The following TRAIP variants were observed in gnomAD, a reference collection of about 807,000 sequenced individuals.
The protein encoded by TRAIP is TRAF interacting protein, also known as E3 ubiquitin-protein ligase TRAIP.
In TRAIP, 37 loss-of-function variants were observed where a neutral mutation model predicts 65.0. The observed-to-expected ratio is 0.57, with a 90% confidence interval of 0.44 to 0.75. The LOEUF is 0.75. Among genes scored for constraint, TRAIP ranks in the 30% least tolerant of loss-of-function variants. The probability of loss-of-function intolerance (pLI) is 0.00; values close to 1 mark genes in which losing one functional copy is unlikely to be tolerated. For synonymous variants in TRAIP, 187 were observed against 219.1 expected (o/e 0.85, Z 1.29); for missense variants, 481 against 579.4 (o/e 0.83, Z 1.74).
At chr3:49,834,687 A>G (rs139921745) in intron 10 of TRAIP, among the ~76,000 whole-genome samples, 14 of 152,304 alleles carry the variant, frequency 9.2e-5, no homozygotes, top group African/African-American at 3.1e-4. Context: ...AAGACTCAAC[A>G]TGATGCCAGC....
At chr3:49,832,308 T>C (rs2081741363) in intron 10 of TRAIP, among the ~76,000 whole-genome samples, 1 of 151,880 alleles carries the variant, frequency 6.6e-6, no homozygotes, top group African/African-American at 2.4e-5. Flanking sequence ...CGGGCTAACA[T>C]GGTGAAACCC....
chr3:49,852,820 G>A (rs2081944580), intron 1 of TRAIP, among the ~76,000 whole-genome samples: 1 of 151,688 alleles, frequency 6.6e-6, no homozygotes, highest in African/African-American at 2.4e-5. Context: ...ATCCCGAGCA[G>A]AATTTGTAAA....
At position 49,847,512 on chromosome 3, in the gene TRAIP, A is replaced by C; in HGVS notation, c.240+13T>G. 6.3e-7 allele frequency: 1 copy of C among 1,579,842 alleles called. No individual in the cohort carries two copies. The highest frequency in any genetic ancestry group is 8.6e-7 in the Non-Finnish European group (1 of 1,156,772). On this transcript the variant is annotated intron_variant, in intron 3 of 14. Transcript: ENST00000331456. ...GGCTTGGAGTTCAGTAGAATCAGATAAATTCTGGGTACCTTTAAGAATTCT... is the reference window on the plus strand; with the variant it reads ...GGCTTGGAGTTCAGTAGAATCAGATCAATTCTGGGTACCTTTAAGAATTCT...
chr3:49,853,979 C>A (rs574328809), intron 1 of TRAIP, among the ~76,000 whole-genome samples: 13 of 151,028 alleles, frequency 8.6e-5, no homozygotes, highest in Non-Finnish European at 1.6e-4. Context: ...CGACACAGCA[C>A]GATCCTGTTT....
In TRAIP at chr3:49,830,003, T is replaced by C. The variant is rs747944433; in HGVS notation, c.1086+17A>G. The C allele has an allele frequency of 1.7e-5, 28 of 1,614,038 alleles. No homozygotes were observed. In the Admixed American group the frequency reaches 3.0e-4, roughly 17 times the overall value. On this transcript the variant is annotated intron_variant, in intron 12 of 14. Coordinates refer to ENST00000331456, the MANE Select transcript of TRAIP (RefSeq NM_005879.3). The stretch of plus-strand genomic sequence containing the variant: ...CCTGCCAAAGGTTAGACTGTGCTTC[T>C]TCTAGAAAGCTCTTACCTTCCTGGG...
rs2081895619 is a variant in TRAIP, at chr3:49,847,520, G to T, written c.240+5C>A. On this transcript the variant is annotated splice_donor_5th_base_variant and intron_variant, in intron 3 of 14. Coordinates refer to ENST00000331456, the MANE Select transcript of TRAIP (RefSeq NM_005879.3). ...GTTCAGTAGAATCAGATAAATTCTGGGTACCTTTAAGAATTCTGCATCCAA... is the reference window on the plus strand; with the variant it reads ...GTTCAGTAGAATCAGATAAATTCTGTGTACCTTTAAGAATTCTGCATCCAA... 1 of 1,594,550 alleles carries T rather than the reference G, an allele frequency of 6.3e-7. No individual in the cohort carries two copies. The highest frequency in any genetic ancestry group is 8.6e-7 in the Non-Finnish European group (1 of 1,167,746).
chr3:49,840,577 C>T, intron 8 of TRAIP: 1 of 582,086 alleles, frequency 1.7e-6, no homozygotes, highest in African/African-American at 1.9e-5. Context: ...CTACATCCTG[C>T]AGCCTGTGGA....
In TRAIP at chr3:49,829,455, T is replaced by C; in HGVS notation, c.1287+3A>G. ...TCAGCTCAACATCACAGGAAAAGGATACAGGCTGGATGAATTTTGTCCGGC... is the reference window on the plus strand; with the variant it reads ...TCAGCTCAACATCACAGGAAAAGGACACAGGCTGGATGAATTTTGTCCGGC... On this transcript the variant is annotated splice_donor_region_variant and intron_variant, in intron 14 of 14. Transcript: ENST00000331456. 6 of 1,614,058 alleles carry C rather than the reference T, an allele frequency of 3.7e-6. No individual in the cohort carries two copies. Among genetic ancestry groups the C allele is most frequent in the Non-Finnish European group, 5.1e-6 (6 of 1,180,016 alleles).
At chr3:49,835,762 AC>A (rs566988201) in intron 10 of TRAIP, among the ~76,000 whole-genome samples, 184 of 151,774 alleles carry the variant, frequency 1.2e-3, no homozygotes, top group African/African-American at 4.3e-3. Flanking sequence ...ACACGGTGAA[AC>A]CCTGTCTCTA....
At chr3:49,854,481 G>T (rs540792850) in intron 1 of TRAIP, among the ~76,000 whole-genome samples, 113 of 152,222 alleles carry the variant, frequency 7.4e-4, no homozygotes, top group African/African-American at 2.7e-3. Flanking sequence ...GTAAGTTAAG[G>T]ATACATACCT....
chr3:49,854,432 C>G (rs1343611165), intron 1 of TRAIP, among the ~76,000 whole-genome samples: 2 of 152,108 alleles, frequency 1.3e-5, no homozygotes, highest in Non-Finnish European at 2.9e-5. Flanking sequence ...TTTGAGTTGC[C>G]TGGGAAAATG....
At chr3:49,843,168 C>T (rs2081853144) in intron 5 of TRAIP, 1 of 153,996 alleles carries the variant, frequency 6.5e-6, no homozygotes, top group Non-Finnish European at 1.4e-5. Flanking sequence ...GGATGGCTCC[C>T]TTTCCCTTTC....
At chr3:49,856,017 C>G (rs141327390) in intron 1 of TRAIP, among the ~76,000 whole-genome samples, 120 of 152,322 alleles carry the variant, frequency 7.9e-4, no homozygotes, top group African/African-American at 2.4e-3. Context: ...AGGTTTCTAT[C>G]TGGAAGAAAT....
intron 10 of TRAIP, among the ~76,000 whole-genome samples, chr3:49,837,671 T>C (rs2081800851): frequency 6.7e-6 from 1 of 148,800 alleles, no homozygotes; most frequent in Non-Finnish European, 1.5e-5. Flanking sequence ...AACCTCTACC[T>C]CCCAGGGTCA....
intron 1 of TRAIP, among the ~76,000 whole-genome samples, chr3:49,854,953 A>C (rs1484045934): frequency 6.6e-6 from 1 of 151,802 alleles, no homozygotes; most frequent in Non-Finnish European, 1.5e-5. Flanking sequence ...AGTCCCAGCT[A>C]CTTGGGAGGC....
intron 3 of TRAIP, among the ~76,000 whole-genome samples, chr3:49,845,665 C>T (rs1259770436): frequency 1.3e-5 from 2 of 152,226 alleles, no homozygotes; most frequent in African/African-American, 2.4e-5. Flanking sequence ...CACCACTACC[C>T]ATAGTCCCCT....
chr3:49,835,917 C>T lies in TRAIP; in HGVS notation c.885-3849G>A, dbSNP rs561193867. 9.0e-3 allele frequency among the ~76,000 whole-genome samples: 1,293 copies of T among 144,344 alleles called. 19 individuals are homozygous for T. Among genetic ancestry groups the T allele is most frequent in the African/African-American group, 0.032 (1,238 of 38,366 alleles). The allele number at this position is 144,344 out of a possible 152,430, so 94.7% of individuals were successfully genotyped here. On this transcript the variant is annotated intron_variant, in intron 10 of 14. Transcript: ENST00000331456. ...TCGTGCCACTGCACTCCAGCCTGGG[C>T]TACAGAGCAAGACTCCATCTCAAAA...
At chr3:49,838,134 C>T (rs2081804487) in intron 10 of TRAIP, among the ~76,000 whole-genome samples, 1 of 152,206 alleles carries the variant, frequency 6.6e-6, no homozygotes, top group Admixed American at 6.5e-5. Context: ...TCCCAAAGCA[C>T]TGAGATTACA....
chr3:49,853,117 G>C (rs2081947275), intron 1 of TRAIP, among the ~76,000 whole-genome samples: 1 of 146,862 alleles, frequency 6.8e-6, no homozygotes, highest in African/African-American at 2.5e-5. Context: ...GCAAGACTCT[G>C]TCTCAAAAAA....
Sources: allele counts gnomAD v4.1 joint callset (sites outside exome capture counted in the v4.1 genomes callset), GRCh38; gene constraint gnomAD v4.1.1; transcripts MANE v1.5; gene names NCBI Gene and HGNC (gene_info 2026-07-23, HGNC 2026-07-21).